Variants in MTRF1 observed in about 807,000 individuals in gnomAD.
MTRF1 encodes the protein mitochondrial translation release factor 1.
In MTRF1, 51 loss-of-function variants were observed where a neutral mutation model predicts 62.9. The ratio of observed to expected loss-of-function variants is 0.81; its 90% CI spans 0.65 to 1.02. The LOEUF is 1.02. Among genes scored for constraint, MTRF1 ranks in the 50% least tolerant of loss-of-function variants. MTRF1 has a pLI of 0.00. For synonymous variants in MTRF1, 158 were observed against 181.9 expected (o/e 0.87, Z 1.06); for missense variants, 446 against 530.0 (o/e 0.84, Z 1.56).
At chr13:41,255,554 T>C (rs1226230825) in intron 2 of MTRF1, among the ~76,000 whole-genome samples, 1 of 152,066 alleles carries the variant, frequency 6.6e-6, no homozygotes, top group Admixed American at 6.5e-5. Context: ...TATACAGGCA[T>C]GGTGGTGCAC....
intron 6 of MTRF1, 64 bp downstream of exon 6, chr13:41,240,197 T>C: frequency 2.1e-6 from 3 of 1,429,044 alleles, no homozygotes; most frequent in East Asian, 2.4e-5. Flanking sequence ...TCCTAGAAGC[T>C]AAGGCTTCCA....
At chr13:41,299,736 T>C in the MTRF1 span, among the ~76,000 whole-genome samples, 23 of 145,578 alleles carry the variant, frequency 1.6e-4, no homozygotes, top group Non-Finnish European at 3.2e-4. Context: ...TTTAAAGACT[T>C]TTTTTTTTTT....
chr13:41,260,359 A>G (rs892399180), intron 2 of MTRF1, 134 bp downstream of exon 2: 63 of 832,202 alleles, frequency 7.6e-5, no homozygotes, highest in Non-Finnish European at 9.5e-5. Context: ...CTTCTGTGGG[A>G]AAAAAAAAAC....
chr13:41,299,382 T>C, the MTRF1 span, among the ~76,000 whole-genome samples: 1,185 of 152,340 alleles, frequency 7.8e-3, 17 homozygotes, highest in African/African-American at 0.027. Context: ...TCTTTTCTTT[T>C]AGAGCCGGCT....
At chr13:41,270,898 C>T in the MTRF1 span, among the ~76,000 whole-genome samples, 18 of 151,942 alleles carry the variant, frequency 1.2e-4, no homozygotes, top group African/African-American at 3.9e-4. Flanking sequence ...CCACCATGCC[C>T]GGCTAATTTT....
At chr13:41,310,441 C>A in the MTRF1 span, among the ~76,000 whole-genome samples, 1 of 152,162 alleles carries the variant, frequency 6.6e-6, no homozygotes, top group Non-Finnish European at 1.5e-5. Context: ...GAGGTTGACG[C>A]GGGGGCGGAT....
chr13:41,260,376 T>A, intron 2 of MTRF1, 117 bp downstream of exon 2: 1 of 1,032,714 alleles, frequency 9.7e-7, no homozygotes, highest in Non-Finnish European at 1.4e-6. Flanking sequence ...AAACAAAGAC[T>A]AAGTTCAATA....
chr13:41,309,459 G>C, the MTRF1 span, among the ~76,000 whole-genome samples: 2 of 151,746 alleles, frequency 1.3e-5, no homozygotes, highest in South Asian at 4.2e-4. Context: ...CAAAGTGCTG[G>C]GATTACAGGC....
intron 2 of MTRF1, among the ~76,000 whole-genome samples, chr13:41,259,712 A>AAAAAACAAAAACCAAAAAAAAC (rs57661393): frequency 7.3e-6 from 1 of 136,714 alleles, no homozygotes; most frequent in African/African-American, 2.8e-5. Flanking sequence ...AAAAAAAAAA[A>AAAAAACAAAAACCAAAAAAAAC]AAAAAAAAAC....
the MTRF1 span, among the ~76,000 whole-genome samples, chr13:41,298,898 G>A: frequency 2.0e-5 from 3 of 152,186 alleles, no homozygotes; most frequent in African/African-American, 4.8e-5. Context: ...AGAAGGAGGA[G>A]GCCAGGTGAG....
the MTRF1 span, among the ~76,000 whole-genome samples, chr13:41,289,267 C>A: frequency 7.0e-6 from 1 of 142,406 alleles, no homozygotes; most frequent in Non-Finnish European, 1.5e-5. Context: ...TGGAGTCTCG[C>A]TCTGTCACCC....
the MTRF1 span, among the ~76,000 whole-genome samples, chr13:41,283,621 G>T: frequency 3.6e-5 from 4 of 110,032 alleles, no homozygotes; most frequent in Non-Finnish European, 6.8e-5. Flanking sequence ...ACGGAGTCTC[G>T]CTCTGTCACC....
the MTRF1 span, among the ~76,000 whole-genome samples, chr13:41,275,479 C>T: frequency 2.7e-5 from 4 of 148,312 alleles, no homozygotes; most frequent in African/African-American, 1.0e-4. Flanking sequence ...GGATTACAGG[C>T]ATGTGCCACC....
intron 2 of MTRF1, among the ~76,000 whole-genome samples, chr13:41,256,328 ATTT>A (rs34937829): frequency 7.0e-5 from 10 of 142,342 alleles, no homozygotes; most frequent in Admixed American, 7.0e-5. Flanking sequence ...CTGTTGTAGA[ATTT>A]TTTTTTTTTT....
the MTRF1 span, among the ~76,000 whole-genome samples, chr13:41,281,864 C>T: frequency 6.6e-6 from 1 of 152,162 alleles, no homozygotes; most frequent in South Asian, 2.1e-4. Context: ...AGGCCGGGCA[C>T]GGTGGCTCAT....
At chr13:41,236,048 C>G (rs1329479169) in intron 6 of MTRF1, 1 of 150,642 alleles carries the variant, frequency 6.6e-6, no homozygotes, top group South Asian at 2.1e-4. Context: ...GACAGACACA[C>G]ACACACAGAC....
chr13:41,304,709 T>G, the MTRF1 span, among the ~76,000 whole-genome samples: 2 of 152,176 alleles, frequency 1.3e-5, no homozygotes, highest in African/African-American at 4.8e-5. Flanking sequence ...CTTGCTTAGA[T>G]CTGATTGCCT....
At chr13:41,300,778 A>G in the MTRF1 span, among the ~76,000 whole-genome samples, 11 of 152,206 alleles carry the variant, frequency 7.2e-5, no homozygotes, top group African/African-American at 2.7e-4. Context: ...AAGATTTTAC[A>G]TTAAAATGAC....
the MTRF1 span, among the ~76,000 whole-genome samples, chr13:41,304,180 T>C: frequency 2.0e-5 from 3 of 152,176 alleles, no homozygotes; most frequent in African/African-American, 7.2e-5. Context: ...TGGTCTACTG[T>C]GTGAAATGCC....
Sources: gnomAD v4.1 joint callset for allele counts (sites outside exome capture counted in the v4.1 genomes callset) on GRCh38, gnomAD v4.1.1 for gene constraint, MANE v1.5 for transcripts, NCBI Gene and HGNC (gene_info 2026-07-23, HGNC 2026-07-21) for gene names.